The following ARL15 variants were observed in gnomAD, a reference collection of about 807,000 sequenced individuals.
ARL15 encodes the protein ADP-ribosylation factor-like protein 15.
ARL15 carries 19 observed loss-of-function variants against 25.2 expected under a neutral mutation model. The ratio of observed to expected loss-of-function variants is 0.75; its 90% CI spans 0.53 to 1.10. The LOEUF (loss-of-function observed/expected upper bound fraction) is 1.10, where lower values mean the gene tolerates loss of function less well. ARL15 is among the 50% of genes least tolerant of loss of function. ARL15 has a pLI of 0.00. For synonymous variants in ARL15, 94 were observed against 86.8 expected (o/e 1.08, Z -0.46); for missense variants, 220 against 246.0 (o/e 0.89, Z 0.71).
At chr5:54,008,119 T>G (rs1237774759) in intron 4 of ARL15, among the ~76,000 whole-genome samples, 2 of 152,238 alleles carry the variant, frequency 1.3e-5, no homozygotes, top group African/African-American at 4.8e-5. Context: ...ACAGACTTTT[T>G]GTTTTTAATG....
intron 1 of ARL15, among the ~76,000 whole-genome samples, chr5:54,225,067 CAAACA>C (rs966022878): frequency 6.6e-6 from 1 of 152,122 alleles, no homozygotes; most frequent in Admixed American, 6.5e-5. Flanking sequence ...AAAAATGAGG[CAAACA>C]ATACCTCATA....
chr5:53,964,506 C>T (rs1009340901), intron 4 of ARL15, among the ~76,000 whole-genome samples: 18 of 151,958 alleles, frequency 1.2e-4, no homozygotes, highest in African/African-American at 4.1e-4. Context: ...ACTACAGGCG[C>T]CCACCACCAT....
chr5:54,033,184 A>T (rs965208246), intron 4 of ARL15, among the ~76,000 whole-genome samples: 2 of 151,822 alleles, frequency 1.3e-5, no homozygotes, highest in Non-Finnish European at 2.9e-5. Flanking sequence ...GTGGTGGCGC[A>T]TGACTGTAAT....
intron 4 of ARL15, among the ~76,000 whole-genome samples, chr5:54,021,930 T>G (rs79756728): frequency 0.059 from 8,911 of 152,090 alleles, 307 homozygotes; most frequent in Middle Eastern, 0.088. Flanking sequence ...GAATAAAAAT[T>G]AAAATGACAG....
At chr5:54,279,010 G>T in intron 1 of ARL15, among the ~76,000 whole-genome samples, 1 of 151,874 alleles carries the variant, frequency 6.6e-6, no homozygotes, top group Non-Finnish European at 1.5e-5. Context: ...AAGGCTTTTT[G>T]CTCCTTAACT....
At chr5:54,176,736 C>CT (rs1454978627) in intron 1 of ARL15, among the ~76,000 whole-genome samples, 3 of 152,238 alleles carry the variant, frequency 2.0e-5, no homozygotes, top group African/African-American at 7.2e-5. Flanking sequence ...TTTTAACACT[C>CT]TCTGCCGCTT....
At chr5:53,970,063 A>G (rs1747685246) in intron 4 of ARL15, among the ~76,000 whole-genome samples, 1 of 152,212 alleles carries the variant, frequency 6.6e-6, no homozygotes, top group Non-Finnish European at 1.5e-5. Flanking sequence ...GTATGCATCT[A>G]GTTTAATATC....
intron 4 of ARL15, among the ~76,000 whole-genome samples, chr5:54,029,578 GC>G (rs1749906848): frequency 6.6e-6 from 1 of 152,150 alleles, no homozygotes; most frequent in Non-Finnish European, 1.5e-5. Flanking sequence ...CTGAAAGTAG[GC>G]CGGGCATGGT....
At chr5:54,043,445 T>C (rs1463450888) in intron 4 of ARL15, among the ~76,000 whole-genome samples, 1 of 152,170 alleles carries the variant, frequency 6.6e-6, no homozygotes, top group African/African-American at 2.4e-5. Flanking sequence ...AATTATGTAA[T>C]AATAACCATG....
chr5:53,970,862 C>T (rs1747729569), intron 4 of ARL15, among the ~76,000 whole-genome samples: 1 of 152,196 alleles, frequency 6.6e-6, no homozygotes, highest in Admixed American at 6.5e-5. Flanking sequence ...AATGAAAACA[C>T]ACTGGCTAGT....
At chr5:54,206,922 C>T (rs1755887045) in intron 1 of ARL15, among the ~76,000 whole-genome samples, 1 of 152,156 alleles carries the variant, frequency 6.6e-6, no homozygotes, top group Non-Finnish European at 1.5e-5. Context: ...AAATACAATG[C>T]ATTTTCAAAA....
At chr5:54,167,525 T>C (rs566154371) in intron 2 of ARL15, among the ~76,000 whole-genome samples, 1 of 152,318 alleles carries the variant, frequency 6.6e-6, no homozygotes, top group Admixed American at 6.5e-5. Context: ...CATGAGCTGG[T>C]TGCTGTTGTT....
intron 1 of ARL15, among the ~76,000 whole-genome samples, chr5:54,309,820 C>A (rs367663426): frequency 9.6e-4 from 146 of 152,338 alleles, no homozygotes; most frequent in African/African-American, 3.2e-3. Flanking sequence ...CACAGTGGAA[C>A]CGCGGCACGC....
intron 4 of ARL15, among the ~76,000 whole-genome samples, chr5:53,986,652 G>C (rs573440396): frequency 6.6e-6 from 1 of 152,338 alleles, no homozygotes; most frequent in East Asian, 1.9e-4. Context: ...ATTCTGAAGA[G>C]AAAGTAATTT....
intron 1 of ARL15, among the ~76,000 whole-genome samples, chr5:54,277,275 C>G (rs115381805): frequency 0.012 from 1,883 of 151,612 alleles, 44 homozygotes; most frequent in African/African-American, 0.044. Flanking sequence ...CCTCCCCCCG[C>G]AAAAAAGAAA....
intron 4 of ARL15, among the ~76,000 whole-genome samples, chr5:53,954,537 G>T (rs558224174): frequency 2.6e-5 from 4 of 152,212 alleles, no homozygotes; most frequent in African/African-American, 9.6e-5. Context: ...GCCATTTCAT[G>T]TCTGCCACAG....
At chr5:53,986,070 G>A (rs1748287926) in intron 4 of ARL15, among the ~76,000 whole-genome samples, 1 of 152,094 alleles carries the variant, frequency 6.6e-6, no homozygotes. Context: ...CATCCAATTA[G>A]TCAGTGTTTT....
chr5:54,154,157 T>C (rs1014630184), intron 3 of ARL15, among the ~76,000 whole-genome samples: 1 of 152,208 alleles, frequency 6.6e-6, no homozygotes, highest in African/African-American at 2.4e-5. Flanking sequence ...CAAAGATTTA[T>C]TATCGGAACA....
chr5:53,996,044 G>A (rs887146227), intron 4 of ARL15, among the ~76,000 whole-genome samples: 3 of 152,126 alleles, frequency 2.0e-5, no homozygotes, highest in African/African-American at 2.4e-5. Context: ...TCTCCTGGGG[G>A]TTCATACATT....
Sources: gnomAD v4.1 joint callset for allele counts (sites outside exome capture counted in the v4.1 genomes callset) on GRCh38, gnomAD v4.1.1 for gene constraint, MANE v1.5 for transcripts, NCBI Gene and HGNC (gene_info 2026-07-23, HGNC 2026-07-21) for gene names.